Variants in TRIM9 observed in about 807,000 individuals in gnomAD.
TRIM9 encodes the protein E3 ubiquitin-protein ligase TRIM9.
In TRIM9, 26 loss-of-function variants were observed where a neutral mutation model predicts 78.3. The observed-to-expected ratio is 0.33, with a 90% CI of 0.24 to 0.46. The LOEUF is 0.46. Among genes scored for constraint, TRIM9 ranks in the 20% least tolerant of loss-of-function variants. TRIM9 has a pLI of 1.00. For synonymous variants in TRIM9, 398 were observed against 416.5 expected (o/e 0.96, Z 0.54); for missense variants, 787 against 1,036.4 (o/e 0.76, Z 3.30).
intron 5 of TRIM9, among the ~76,000 whole-genome samples, chr14:51,002,364 G>A (rs189030225): frequency 1.3e-5 from 2 of 151,664 alleles, no homozygotes; most frequent in Admixed American, 6.6e-5. Context: ...TCGATCTACT[G>A]ACCTCATGAT....
intron 1 of TRIM9, among the ~76,000 whole-genome samples, chr14:51,072,100 G>A (rs2062331395): frequency 6.6e-6 from 1 of 152,202 alleles, no homozygotes. Flanking sequence ...ACACGTGGCA[G>A]GACTGGGCCA....
intron 2 of TRIM9, 29 bp from the exon 3 acceptor site, chr14:51,022,986 C>A (rs1243547082): frequency 1.9e-6 from 3 of 1,612,128 alleles, no homozygotes; most frequent in African/African-American, 2.7e-5. Flanking sequence ...TTCTCAACTG[C>A]AAGCTGCTGG....
At position 50,977,180 on chromosome 14, in the gene TRIM9, C is replaced by T. The variant is rs918002177; in HGVS notation, c.*111G>A. The T allele has an allele frequency of 7.2e-6, 6 of 839,002 alleles. No individual in the cohort carries two copies. In the African/African-American group the frequency reaches 1.1e-4, roughly 15 times the overall value. 52.0% of individuals were successfully genotyped at this position (839,002 alleles called of 1,614,324 possible). A position where few individuals can be genotyped will look rare whatever the true frequency, so the allele number is the denominator to read the frequency against. ...TGCAGAGGACCAGCTTTTCTCTCCT[C>T]CTTCTCCCACTCCTGCCAACTCTGC... On this transcript the variant is annotated 3_prime_UTR_variant, in exon 13 of 13. Coordinates refer to ENST00000684578, the MANE Select transcript of TRIM9 (RefSeq NM_001387360.1).
chr14:51,083,304 T>G (rs1291342800), intron 1 of TRIM9, among the ~76,000 whole-genome samples: 2 of 152,176 alleles, frequency 1.3e-5, no homozygotes, highest in African/African-American at 4.8e-5. Flanking sequence ...CCAGGCTGCA[T>G]GCATTGGTGT....
intron 7 of TRIM9, among the ~76,000 whole-genome samples, chr14:50,995,164 T>C (rs945508840): frequency 6.6e-6 from 1 of 152,188 alleles, no homozygotes; most frequent in Non-Finnish European, 1.5e-5. Flanking sequence ...TTTCCTTTTC[T>C]CTTAATAGCA....
At chr14:51,064,154 C>G (rs1043746784) in intron 1 of TRIM9, among the ~76,000 whole-genome samples, 2 of 151,560 alleles carry the variant, frequency 1.3e-5, no homozygotes, top group Non-Finnish European at 2.9e-5. Flanking sequence ...TGTAGGCAGA[C>G]TGTGATCAAT....
intron 6 of TRIM9, among the ~76,000 whole-genome samples, chr14:50,999,862 A>G (rs898627539): frequency 3.3e-5 from 5 of 152,162 alleles, no homozygotes; most frequent in Admixed American, 6.5e-5. Flanking sequence ...TCTGTATGAG[A>G]GAAGCAGACA....
chr14:51,091,874 T>C (rs1301390103), intron 1 of TRIM9, among the ~76,000 whole-genome samples: 2 of 152,248 alleles, frequency 1.3e-5, no homozygotes, highest in African/African-American at 2.4e-5. Flanking sequence ...GTCTGTCTAC[T>C]CATAATTTCT....
intron 1 of TRIM9, among the ~76,000 whole-genome samples, chr14:51,050,245 T>C (rs1384054238): frequency 6.6e-6 from 1 of 152,196 alleles, no homozygotes; most frequent in African/African-American, 2.4e-5. Flanking sequence ...TCTTGGATTG[T>C]AGCTTCCATG....
At chr14:51,044,366 C>T (rs1018615152) in intron 1 of TRIM9, among the ~76,000 whole-genome samples, 1 of 152,162 alleles carries the variant, frequency 6.6e-6, no homozygotes, top group African/African-American at 2.4e-5. Context: ...TTCCAAGCAG[C>T]AATGTACCTG....
intron 2 of TRIM9, 23 bp downstream of exon 2, chr14:51,025,242 T>G: frequency 6.2e-7 from 1 of 1,607,764 alleles, no homozygotes; most frequent in Non-Finnish European, 8.5e-7. Flanking sequence ...CGGGTTTCCT[T>G]GCGTCCCAGG....
intron 1 of TRIM9, among the ~76,000 whole-genome samples, chr14:51,038,531 T>C (rs1393377293): frequency 6.6e-6 from 1 of 152,078 alleles, no homozygotes; most frequent in African/African-American, 2.4e-5. Flanking sequence ...TCCTTTTAAG[T>C]TGGAGAGAGG....
At chr14:50,997,093 C>G (rs1310758597) in intron 7 of TRIM9, 1 of 985,134 alleles carries the variant, frequency 1.0e-6, no homozygotes, top group Non-Finnish European at 1.2e-6. Context: ...ATGGAGAATC[C>G]CGGTGAGGTG....
Position 51,020,014 on chromosome 14 carries a change from G to C in TRIM9, c.1041+2821C>G, listed in dbSNP as rs2057595210. On this transcript the variant is annotated intron_variant, in intron 3 of 12. Transcript: ENST00000684578. ...TCCAGCATTCCTAGTTTTTTGGATT[G>C]CTCAAGGAGAGAGAGTTGCCCGAAA... 1.3e-5 allele frequency among the ~76,000 whole-genome samples: 2 copies of C among 152,190 alleles called. 1 individual carries two copies. The highest frequency in any genetic ancestry group is 1.3e-4 in the Admixed American group (2 of 15,278).
At chr14:51,003,592 A>G (rs2055367454) in intron 5 of TRIM9, among the ~76,000 whole-genome samples, 1 of 152,206 alleles carries the variant, frequency 6.6e-6, no homozygotes, top group South Asian at 2.1e-4. Flanking sequence ...TAATTAAAAC[A>G]TCAGAACTTA....
intron 3 of TRIM9, among the ~76,000 whole-genome samples, chr14:51,013,103 A>G (rs2056763833): frequency 6.6e-6 from 1 of 152,156 alleles, no homozygotes; most frequent in Admixed American, 6.5e-5. Flanking sequence ...TGCCAATTCC[A>G]GTGTCCCAAA....
At chr14:51,076,422 G>A (rs547225967) in intron 1 of TRIM9, among the ~76,000 whole-genome samples, 2 of 152,066 alleles carry the variant, frequency 1.3e-5, no homozygotes, top group East Asian at 1.9e-4. Flanking sequence ...ACTTTCCCTC[G>A]TTCCCAGGGG....
intron 11 of TRIM9, among the ~76,000 whole-genome samples, chr14:50,980,433 T>C (rs958550705): frequency 3.3e-5 from 5 of 152,230 alleles, no homozygotes; most frequent in African/African-American, 9.6e-5. Flanking sequence ...ATTTGTGTCA[T>C]TCATTTCCTC....
chr14:51,020,075 G>A (rs1370776075), intron 3 of TRIM9, among the ~76,000 whole-genome samples: 3 of 152,178 alleles, frequency 2.0e-5, no homozygotes, highest in African/African-American at 7.2e-5. Flanking sequence ...TCAGCAAAAA[G>A]CAGGCCCTCA....
Sources: allele counts gnomAD v4.1 joint callset (sites outside exome capture counted in the v4.1 genomes callset), GRCh38; gene constraint gnomAD v4.1.1; transcripts MANE v1.5; gene names NCBI Gene and HGNC (gene_info 2026-07-23, HGNC 2026-07-21).